Variants in ROBO2 observed in about 807,000 individuals in gnomAD.
ROBO2 encodes the protein roundabout guidance receptor 2.
In ROBO2, 53 loss-of-function variants were observed where a neutral mutation model predicts 160.8. The ratio of observed to expected loss-of-function variants is 0.33; its 90% CI spans 0.26 to 0.41. The LOEUF (loss-of-function observed/expected upper bound fraction) is 0.41, where lower values mean the gene tolerates loss of function less well. ROBO2 is among the 10% of genes least tolerant of loss of function. ROBO2 has a pLI of 1.00. For missense variants in ROBO2, 1,577 were observed against 1,722.4 expected (o/e 0.92, Z 1.49); for synonymous variants, 664 against 611.7 (o/e 1.09, Z -1.26).
At chr3:77,643,780 G>T (rs1297320393) in intron 24 of ROBO2, among the ~76,000 whole-genome samples, 3 of 152,122 alleles carry the variant, frequency 2.0e-5, no homozygotes, top group African/African-American at 7.2e-5. Flanking sequence ...TCACAACTTG[G>T]TGCTCAAGTT....
chr3:76,211,050 G>T (rs901124091), intron 2 of ROBO2, among the ~76,000 whole-genome samples: 64 of 152,034 alleles, frequency 4.2e-4, no homozygotes, highest in South Asian at 1.0e-3. Context: ...AAATTCATTT[G>T]TCACCTGATA....
At chr3:76,377,306 T>C (rs1469873185) in intron 2 of ROBO2, among the ~76,000 whole-genome samples, 1 of 152,154 alleles carries the variant, frequency 6.6e-6, no homozygotes, top group Non-Finnish European at 1.5e-5. Flanking sequence ...GCACTGTTAA[T>C]AGGATAGCCC....
intron 2 of ROBO2, among the ~76,000 whole-genome samples, chr3:76,287,763 A>G (rs1396944243): frequency 6.6e-6 from 1 of 152,248 alleles, no homozygotes; most frequent in East Asian, 1.9e-4. Context: ...TAAAATAAAG[A>G]TGATCAATCT....
intron 2 of ROBO2, among the ~76,000 whole-genome samples, chr3:77,211,177 A>G (rs905760721): frequency 6.6e-6 from 1 of 152,162 alleles, no homozygotes; most frequent in Non-Finnish European, 1.5e-5. Context: ...GACTTCCACA[A>G]TGGTTGAACT....
At chr3:77,091,378 C>T (rs922747165) in intron 1 of ROBO2, among the ~76,000 whole-genome samples, 3 of 152,176 alleles carry the variant, frequency 2.0e-5, no homozygotes, top group African/African-American at 7.2e-5. Context: ...ATTTATACAT[C>T]ACCTTCAAAA....
At chr3:76,868,480 A>T (rs1440849281) in intron 2 of ROBO2, among the ~76,000 whole-genome samples, 3 of 152,170 alleles carry the variant, frequency 2.0e-5, no homozygotes, top group Non-Finnish European at 4.4e-5. Context: ...TTAGACAAAC[A>T]CTTATTTTTA....
chr3:76,814,755 C>T (rs2065512360), intron 2 of ROBO2, among the ~76,000 whole-genome samples: 1 of 151,860 alleles, frequency 6.6e-6, no homozygotes, highest in Non-Finnish European at 1.5e-5. Context: ...TGGTAGCTGT[C>T]TTCACAATAC....
Position 76,413,417 on chromosome 3 carries a change from A to G in ROBO2, c.109+475815A>G, listed in dbSNP as rs530357444. ...TTTCTATCGCATAGTCAGGCTGCAC[A>G]TTTTCCAAACTTTTATGCTCCACTT... On this transcript the variant is annotated intron_variant, in intron 2 of 26. Coordinates refer to the ROBO2 transcript ENST00000487694. Among the ~76,000 whole-genome samples, 10 of 152,262 alleles carry G rather than the reference A, an allele frequency of 6.6e-5. No homozygotes were observed. In the East Asian group the frequency reaches 1.9e-3, roughly 29 times the overall value.
chr3:77,459,949 T>TGG (rs34899612), intron 2 of ROBO2, among the ~76,000 whole-genome samples: 26 of 132,760 alleles, frequency 2.0e-4, no homozygotes, highest in South Asian at 1.0e-3. Flanking sequence ...GTGGAGTGGG[T>TGG]GGGGGGGTCC....
At chr3:76,873,228 A>G (rs1191292215) in intron 2 of ROBO2, among the ~76,000 whole-genome samples, 1 of 152,170 alleles carries the variant, frequency 6.6e-6, no homozygotes, top group Non-Finnish European at 1.5e-5. Flanking sequence ...CATGTGCTCT[A>G]GGGCAAGGAA....
chr3:77,580,226 G>T, intron 16 of ROBO2, 108 bp downstream of exon 17: 2 of 1,014,740 alleles, frequency 2.0e-6, no homozygotes, highest in Non-Finnish European at 1.5e-6. Context: ...TGAATGATAG[G>T]GTACACATAT....
rs559590030 is a variant in ROBO2 at position 76,618,034 on chromosome 3, G to T, written c.110-479980G>T. Among the ~76,000 whole-genome samples, 16 of 151,686 alleles carry T rather than the reference G, an allele frequency of 1.1e-4. 2 individuals are homozygous for T. In the South Asian group the frequency reaches 2.7e-3, roughly 26 times the overall value. ...TCACCACCGAACTTCCAGGAAGTGT[G>T]GCAAAATGACCCTCAAAGACAACTT... On this transcript the variant is annotated intron_variant, in intron 2 of 26. Transcript: ENST00000487694.
intron 2 of ROBO2, among the ~76,000 whole-genome samples, chr3:76,741,707 T>C (rs1472957713): frequency 1.2e-5 from 1 of 81,058 alleles, no homozygotes; most frequent in Non-Finnish European, 2.4e-5. Flanking sequence ...TTCTGTTTTT[T>C]CTCTAATTTT....
At chr3:77,602,093 C>G in intron 19 of ROBO2, 117 bp from the exon 21 acceptor site, 1 of 1,030,234 alleles carries the variant, frequency 9.7e-7, no homozygotes, top group Non-Finnish European at 1.5e-6. Context: ...TCATGAAGCC[C>G]ATCTCAGCTG....
At chr3:77,336,706 A>G (rs2066533100) in intron 2 of ROBO2, among the ~76,000 whole-genome samples, 1 of 152,194 alleles carries the variant, frequency 6.6e-6, no homozygotes, top group Non-Finnish European at 1.5e-5. Flanking sequence ...TATGGCAAAG[A>G]CAGGCAAAAT....
intron 2 of ROBO2, among the ~76,000 whole-genome samples, chr3:76,491,640 C>A (rs541145291): frequency 1.3e-5 from 2 of 152,236 alleles, no homozygotes; most frequent in East Asian, 3.9e-4. Flanking sequence ...AAAAATTATA[C>A]CTATATTGAA....
At chr3:76,572,857 A>T (rs1239974719) in intron 2 of ROBO2, among the ~76,000 whole-genome samples, 1 of 152,116 alleles carries the variant, frequency 6.6e-6, no homozygotes, top group African/African-American at 2.4e-5. Context: ...TAGTCCCGGG[A>T]CACACTGAAC....
rs199727354 is a variant in ROBO2, at chr3:77,559,629, A to G, written c.1437+1480A>G. ...AAAAGAAAGGCAAAAATTTTTAACT[A>G]CACATATTTCCAAATGATCACAATT... On this transcript the variant is annotated intron_variant, in intron 9 of 25. Coordinates refer to ENST00000461745, the Ensembl canonical transcript of ROBO2. 4.6e-5 allele frequency among the ~76,000 whole-genome samples: 7 copies of G among 152,222 alleles called. No individual in the cohort carries two copies. In the East Asian group the frequency reaches 5.8e-4, roughly 13 times the overall value.
intron 2 of ROBO2, among the ~76,000 whole-genome samples, chr3:77,320,997 A>T (rs895364402): frequency 6.6e-6 from 1 of 152,174 alleles, no homozygotes; most frequent in Non-Finnish European, 1.5e-5. Context: ...AATCCCACAC[A>T]TACAACACAC....
Sources: allele counts gnomAD v4.1 joint callset (sites outside exome capture counted in the v4.1 genomes callset), GRCh38; gene constraint gnomAD v4.1.1; transcripts MANE v1.5; gene names NCBI Gene and HGNC (gene_info 2026-07-23, HGNC 2026-07-21).